The following NRG1 variants were observed in gnomAD, a reference collection of about 807,000 sequenced individuals.
NRG1 encodes neuregulin 1, also known as pro-neuregulin-1, membrane-bound isoform.
In NRG1, 18 loss-of-function variants were observed where a neutral mutation model predicts 63.8. The ratio of observed to expected loss-of-function variants is 0.28; its 90% CI spans 0.19 to 0.42. NRG1 has a LOEUF of 0.42. Among genes scored for constraint, NRG1 ranks in the 10% least tolerant of loss-of-function variants. The pLI is 1.00. For missense variants in NRG1, 762 were observed against 814.7 expected, an observed-to-expected ratio of 0.94 and a Z score of 0.79; for synonymous variants, 302 against 301.3, an observed-to-expected ratio of 1.00 and a Z score of -0.02.
rs1814388666 is a variant in NRG1 at position 31,733,980 on chromosome 8, AAT to A, written c.37+94552_37+94553del. Among the ~76,000 whole-genome samples the A allele has an allele frequency of 2.0e-5, 3 of 152,080 alleles. No individual in the cohort carries two copies. The South Asian group carries it at 6.2e-4, about 32-fold the overall frequency. ...GCAAGATCTTACACAATGCTACTCT[AAT>A]ATTTCCTCTGTCTCCAGCTGTTTCA... On this transcript the variant is annotated intron_variant, in intron 1 of 10. Coordinates refer to the NRG1 transcript ENST00000519301.
chr8:32,606,031 A>G (rs1845209400), intron 3 of NRG1, among the ~76,000 whole-genome samples: 1 of 151,418 alleles, frequency 6.6e-6, no homozygotes, highest in South Asian at 2.1e-4. Context: ...ATACAGTCAT[A>G]TATATATACA....
intron 1 of NRG1, among the ~76,000 whole-genome samples, chr8:32,022,896 G>A (rs540027696): frequency 3.9e-5 from 6 of 152,250 alleles, no homozygotes; most frequent in Admixed American, 1.3e-4. Context: ...CAACAATAAG[G>A]AGATTTAACA....
intron 1 of NRG1, among the ~76,000 whole-genome samples, chr8:32,564,526 A>T (rs1837069926): frequency 6.6e-6 from 1 of 152,228 alleles, no homozygotes; most frequent in Non-Finnish European, 1.5e-5. Flanking sequence ...ATTGTTTCAG[A>T]ATTATTTTCA....
chr8:31,832,671 T>C (rs1034174635), intron 1 of NRG1, among the ~76,000 whole-genome samples: 4 of 152,186 alleles, frequency 2.6e-5, no homozygotes, highest in African/African-American at 9.6e-5. Context: ...CTTTCAATAA[T>C]TTCAACAATT....
At chr8:32,436,733 C>T (rs1818839615) in intron 1 of NRG1, among the ~76,000 whole-genome samples, 1 of 152,098 alleles carries the variant, frequency 6.6e-6, no homozygotes, top group African/African-American at 2.4e-5. Flanking sequence ...GAACATTATA[C>T]AAATATTGTA....
At chr8:31,860,338 C>G (rs1416330594) in intron 1 of NRG1, among the ~76,000 whole-genome samples, 1 of 152,108 alleles carries the variant, frequency 6.6e-6, no homozygotes, top group Admixed American at 6.6e-5. Flanking sequence ...GACATAGTAA[C>G]AACAATTTAT....
chr8:32,646,219 T>G (rs1381415842), intron 5 of NRG1, among the ~76,000 whole-genome samples: 2 of 152,178 alleles, frequency 1.3e-5, no homozygotes, highest in Non-Finnish European at 2.9e-5. Context: ...ATATATGGGC[T>G]GCCAACCCCT....
In NRG1 at chr8:32,618,391, A is replaced by G. The variant is rs115256911; in HGVS notation, c.502+1506A>G. Among the ~76,000 whole-genome samples, 1,057 of 152,286 alleles carry G rather than the reference A, an allele frequency of 6.9e-3. 13 individuals are homozygous for G. The highest frequency in any genetic ancestry group is 0.024 in the African/African-American group (987 of 41,554). ...TCCTTAAGCATATCTGAGCAGTTTGAGAATGTAAAAAAATACTTTTGGTTT... is the reference window on the plus strand; with the variant it reads ...TCCTTAAGCATATCTGAGCAGTTTGGGAATGTAAAAAAATACTTTTGGTTT... On this transcript the variant is annotated intron_variant, in intron 5 of 11. Transcript: ENST00000356819.
intron 3 of NRG1, among the ~76,000 whole-genome samples, chr8:32,608,742 T>C (rs566972192): frequency 2.0e-5 from 3 of 152,320 alleles, no homozygotes; most frequent in African/African-American, 7.2e-5. Context: ...AATATGCTTC[T>C]GATAGTTTTA....
At chr8:32,555,224 G>A (rs1433747549) in intron 1 of NRG1, among the ~76,000 whole-genome samples, 1 of 152,082 alleles carries the variant, frequency 6.6e-6, no homozygotes, top group African/African-American at 2.4e-5. Context: ...CCCTCCCACT[G>A]AAGTGCACAT....
At chr8:32,590,392 T>A (rs1488934078) in intron 1 of NRG1, among the ~76,000 whole-genome samples, 1 of 152,186 alleles carries the variant, frequency 6.6e-6, no homozygotes, top group African/African-American at 2.4e-5. Context: ...TGAACTGCGG[T>A]AGACCAAATA....
intron 1 of NRG1, among the ~76,000 whole-genome samples, chr8:32,505,974 G>T (rs1431832999): frequency 6.6e-6 from 1 of 152,174 alleles, no homozygotes; most frequent in East Asian, 1.9e-4. Context: ...CAGAGGTGAG[G>T]CGTGGTGGCT....
At chr8:31,831,858 C>A (rs1411174290) in intron 1 of NRG1, among the ~76,000 whole-genome samples, 1 of 152,194 alleles carries the variant, frequency 6.6e-6, no homozygotes, top group Non-Finnish European at 1.5e-5. Flanking sequence ...CACCTAGACT[C>A]CAATCAGTAT....
chr8:31,814,066 C>T (rs1215803517), intron 1 of NRG1, among the ~76,000 whole-genome samples: 1 of 152,134 alleles, frequency 6.6e-6, no homozygotes, highest in Non-Finnish European at 1.5e-5. Context: ...TATTGCCTCA[C>T]AGAGTTTTAT....
chr8:31,639,400 G>A (rs1374444645), exon 1 of NRG1: 1 of 1,534,858 alleles, frequency 6.5e-7, no homozygotes, highest in Admixed American at 2.0e-5. Flanking sequence ...GCAGCATGGG[G>A]AAAGGACGCG....
At chr8:32,568,544 C>A (rs1837900291) in intron 1 of NRG1, among the ~76,000 whole-genome samples, 1 of 152,160 alleles carries the variant, frequency 6.6e-6, no homozygotes, top group Non-Finnish European at 1.5e-5. Flanking sequence ...AGAGATTCTT[C>A]TGCTGGGTGA....
chr8:32,665,292 G>A (rs1340746258), intron 5 of NRG1, among the ~76,000 whole-genome samples: 1 of 152,034 alleles, frequency 6.6e-6, no homozygotes, highest in African/African-American at 2.4e-5. Context: ...TTTTATATTA[G>A]TGCTGCTACA....
intron 1 of NRG1, among the ~76,000 whole-genome samples, chr8:31,845,882 C>T (rs1826641404): frequency 6.6e-6 from 1 of 152,134 alleles, no homozygotes; most frequent in Admixed American, 6.5e-5. Context: ...AATTTATGAT[C>T]TGTTTACGAG....
At chr8:32,419,832 A>T (rs539820790) in intron 1 of NRG1, among the ~76,000 whole-genome samples, 1 of 152,324 alleles carries the variant, frequency 6.6e-6, no homozygotes, top group South Asian at 2.1e-4. Context: ...CTTCTTTTAC[A>T]TTTATGCAAA....
Sources: gnomAD v4.1 joint callset for allele counts (sites outside exome capture counted in the v4.1 genomes callset) on GRCh38, gnomAD v4.1.1 for gene constraint, MANE v1.5 for transcripts, NCBI Gene and HGNC (gene_info 2026-07-23, HGNC 2026-07-21) for gene names.